Variants in RGS17 observed in about 807,000 individuals in gnomAD.
RGS17 encodes regulator of G protein signaling 17, also known as regulator of G-protein signaling 17.
In RGS17, 12 loss-of-function variants were observed where a neutral mutation model predicts 25.5. The observed-to-expected ratio is 0.47, with a 90% CI of 0.30 to 0.76. RGS17 has a LOEUF of 0.76. Among genes scored for constraint, RGS17 ranks in the 30% least tolerant of loss-of-function variants. RGS17 has a pLI of 0.07. For synonymous variants in RGS17, 71 were observed against 76.9 expected (o/e 0.92, Z 0.40); for missense variants, 196 against 242.2 (o/e 0.81, Z 1.27).
Position 153,011,718 on chromosome 6 carries a change from C to A in RGS17, c.489G>T (p.Leu163=). The change falls in exon 5 of 5, where the codon CTG becomes CTT. Residue 163 remains leucine, a synonymous_variant. Transcript: ENST00000206262. ...CATACATGTGAGGATTGGGATCCAA[C>A]AGATTTCTATTGATCACCTCTCTAA... ...SRVREVINRN[L]LDPNPHMYED... is the part of the protein sequence containing the mutation. 1 of 1,613,072 alleles carries A rather than the reference C, an allele frequency of 6.2e-7. No individual in the cohort carries two copies. Among genetic ancestry groups the A allele is most frequent in the Non-Finnish European group, 8.5e-7 (1 of 1,179,480 alleles).
chr6:153,011,784 T>C (rs1779136069), intron 4 of RGS17, 22 bp from the exon 5 acceptor site: 1 of 1,504,798 alleles, frequency 6.6e-7, no homozygotes, highest in African/African-American at 1.6e-5. Flanking sequence ...CAAGAGCAAA[T>C]ACATTAAATA....
At chr6:153,018,891 C>A (rs185385637) in intron 4 of RGS17, among the ~76,000 whole-genome samples, 72 of 152,296 alleles carry the variant, frequency 4.7e-4, no homozygotes, top group Non-Finnish European at 8.5e-4. Flanking sequence ...TGACTTAAAT[C>A]ATTGAATGTG....
intron 1 of RGS17, among the ~76,000 whole-genome samples, chr6:153,080,534 TTCTAA>T (rs770454066): frequency 6.6e-6 from 1 of 152,158 alleles, no homozygotes; most frequent in Non-Finnish European, 1.5e-5. Context: ...TTTTTATGAC[TTCTAA>T]TCTAAAATCA....
chr6:153,011,056 A>G lies in RGS17; in HGVS notation c.*518T>C, dbSNP rs1011713008. 3 of 152,770 alleles carry G rather than the reference A, an allele frequency of 2.0e-5. No homozygotes were observed. The highest frequency in any genetic ancestry group is 2.9e-5 in the Non-Finnish European group (2 of 68,166). 9.5% of individuals were successfully genotyped at this position (152,770 alleles called of 1,614,324 possible). A position where few individuals can be genotyped will look rare whatever the true frequency, so the allele number is the denominator to read the frequency against. On this transcript the variant is annotated 3_prime_UTR_variant, in exon 5 of 5. Transcript: ENST00000206262. Reference sequence around the variant, plus strand: ...ATTGGCTTCAAAATTAGTGTACTAAACACAGTATATAGAATGTTGAATACC... The same window carrying G: ...ATTGGCTTCAAAATTAGTGTACTAAGCACAGTATATAGAATGTTGAATACC...
chr6:153,070,822 CATATAT>C (rs1335088948), intron 1 of RGS17, among the ~76,000 whole-genome samples: 2 of 150,268 alleles, frequency 1.3e-5, no homozygotes, highest in South Asian at 2.1e-4. Context: ...TATACATATA[CATATAT>C]ACACATACAT....
At position 153,077,353 on chromosome 6, in the gene RGS17, T is replaced by C. The variant is rs1353759291; in HGVS notation, c.-25-33310A>G. On this transcript the variant is annotated intron_variant, in intron 1 of 4. Transcript: ENST00000206262. ...GATTAGATCCTGCATGGGAAAAAAATAGCTGTATATAATAGTTGGGACAAT... is the reference window on the plus strand; with the variant it reads ...GATTAGATCCTGCATGGGAAAAAAACAGCTGTATATAATAGTTGGGACAAT... Among the ~76,000 whole-genome samples, 6 of 151,976 alleles carry C rather than the reference T, an allele frequency of 3.9e-5. No homozygotes were observed. In the East Asian group the frequency reaches 7.7e-4, roughly 20 times the overall value.
At chr6:153,038,121 C>T (rs1006666728) in intron 2 of RGS17, among the ~76,000 whole-genome samples, 1 of 152,128 alleles carries the variant, frequency 6.6e-6, no homozygotes, top group Non-Finnish European at 1.5e-5. Context: ...GTTTTTTGTC[C>T]GGGTCTGAAC....
chr6:153,029,860 A>G (rs1779343195), intron 2 of RGS17, among the ~76,000 whole-genome samples: 1 of 152,180 alleles, frequency 6.6e-6, no homozygotes, highest in South Asian at 2.1e-4. Flanking sequence ...AAATGCTGGG[A>G]TTACATGTCT....
At chr6:153,021,933 C>T (rs903865004) in intron 4 of RGS17, among the ~76,000 whole-genome samples, 7 of 152,124 alleles carry the variant, frequency 4.6e-5, no homozygotes, top group Admixed American at 2.6e-4. Flanking sequence ...AACGGCCAGG[C>T]GCAGTGGCTC....
At position 153,130,210 on chromosome 6, in the gene RGS17, G is replaced by A. The variant is rs1253370739; in HGVS notation, c.-26+914C>T. On this transcript the variant is annotated intron_variant, in intron 1 of 4. Coordinates refer to ENST00000206262, the MANE Select transcript of RGS17 (RefSeq NM_012419.5). This position sits in a 1 kb window ranked among gnomAD's most constrained non-coding sequence, Gnocchi z 6.4. ...GTGTCTGCACCCAGCCTCTGCCGCAGCACTCGATGAGGGACAGCAGGGAGG... is the reference window on the plus strand; with the variant it reads ...GTGTCTGCACCCAGCCTCTGCCGCAACACTCGATGAGGGACAGCAGGGAGG... 2.0e-5 allele frequency among the ~76,000 whole-genome samples: 3 copies of A among 152,296 alleles called. No individual in the cohort carries two copies. The highest frequency in any genetic ancestry group is 3.9e-4 in the East Asian group (2 of 5,174).
intron 4 of RGS17, among the ~76,000 whole-genome samples, chr6:153,014,038 T>C (rs924230798): frequency 4.1e-4 from 62 of 152,194 alleles, no homozygotes; most frequent in Non-Finnish European, 8.8e-4. Context: ...CAGCCTTATA[T>C]TGGAAGAAGA....
chr6:153,106,481 G>A (rs530654600), intron 1 of RGS17, among the ~76,000 whole-genome samples: 30 of 151,610 alleles, frequency 2.0e-4, no homozygotes, highest in Non-Finnish European at 1.5e-4. Context: ...TGAAGAGGCT[G>A]GCCCTTGAAT....
intron 1 of RGS17, among the ~76,000 whole-genome samples, chr6:153,094,917 CA>C: frequency 6.6e-6 from 1 of 151,498 alleles, no homozygotes; most frequent in Non-Finnish European, 1.5e-5. Context: ...TTTATAATTA[CA>C]TTCACAATAT....
At chr6:153,014,642 C>T (rs908971408) in intron 4 of RGS17, among the ~76,000 whole-genome samples, 10 of 151,884 alleles carry the variant, frequency 6.6e-5, no homozygotes, top group Non-Finnish European at 7.4e-5. Flanking sequence ...ACTAAAAATA[C>T]GAAAAATTAG....
Position 153,130,483 on chromosome 6 carries a change from TACACACAC to T in RGS17, c.-26+633_-26+640del, listed in dbSNP as rs58779961. ...CCCACCCCCTATACATACATACACA[TACACACAC>T]ACACACACACACACACACCCCTCCG... On this transcript the variant is annotated intron_variant, in intron 1 of 4. Transcript: ENST00000206262. This position sits in a 1 kb window ranked among gnomAD's most constrained non-coding sequence, Gnocchi z 6.4. 2.1e-5 allele frequency among the ~76,000 whole-genome samples: 3 copies of T among 146,210 alleles called. No homozygotes were observed. The highest frequency in any genetic ancestry group is 2.1e-4 in the East Asian group (1 of 4,740).
intron 1 of RGS17, among the ~76,000 whole-genome samples, chr6:153,129,621 A>T (rs539695602): frequency 1.2e-4 from 19 of 152,178 alleles, no homozygotes; most frequent in Non-Finnish European, 2.4e-4. Context: ...TGCAGATGGC[A>T]CCCAGCCTCA....
At chr6:153,080,654 CTTA>C (rs1050021924) in intron 1 of RGS17, among the ~76,000 whole-genome samples, 2 of 151,952 alleles carry the variant, frequency 1.3e-5, no homozygotes, top group Admixed American at 6.6e-5. Flanking sequence ...TAAAATTTCT[CTTA>C]TTATTTTAGC....
chr6:153,115,927 A>G (rs1777537438), intron 1 of RGS17, among the ~76,000 whole-genome samples: 1 of 152,234 alleles, frequency 6.6e-6, no homozygotes, highest in Non-Finnish European at 1.5e-5. Context: ...TTAACTAAAG[A>G]TAGATTAAAG....
At chr6:153,014,714 C>T (rs1779165651) in intron 4 of RGS17, among the ~76,000 whole-genome samples, 1 of 150,918 alleles carries the variant, frequency 6.6e-6, no homozygotes, top group South Asian at 2.1e-4. Context: ...AGGAGAATGG[C>T]GTGAACCTGG....
Sources: allele counts gnomAD v4.1 joint callset (sites outside exome capture counted in the v4.1 genomes callset), GRCh38; gene constraint gnomAD v4.1.1; non-coding constraint Gnocchi (gnomAD v3.1); transcripts MANE v1.5; gene names NCBI Gene and HGNC (gene_info 2026-07-23, HGNC 2026-07-21).